CMPK1: variants seen among roughly 807,000 people sequenced by gnomAD.
CMPK1 encodes UMP-CMP kinase.
Under a neutral mutation model 25.7 loss-of-function variants are expected in CMPK1, and 10 were observed. The ratio of observed to expected loss-of-function variants is 0.39; its 90% confidence interval spans 0.24 to 0.66. CMPK1 has a LOEUF of 0.66. Among genes scored for constraint, CMPK1 ranks in the 30% least tolerant of loss-of-function variants. The probability of loss-of-function intolerance (pLI) is 0.48; values close to 1 mark genes in which losing one functional copy is unlikely to be tolerated. For synonymous variants in CMPK1, 106 were observed against 101.5 expected (o/e 1.04, Z -0.27); for missense variants, 199 against 280.5 (o/e 0.71, Z 2.08).
intron 1 of CMPK1, among the ~76,000 whole-genome samples, chr1:47,365,423 C>T (rs1490264349): frequency 2.0e-5 from 3 of 151,690 alleles, no homozygotes; most frequent in African/African-American, 7.3e-5. Flanking sequence ...TGCTTGAGCC[C>T]AGGAGTTTGA....
chr1:47,365,546 A>G (rs757423865), intron 1 of CMPK1, among the ~76,000 whole-genome samples: 28 of 148,606 alleles, frequency 1.9e-4, no homozygotes, highest in Non-Finnish European at 4.0e-4. Flanking sequence ...AGGTGGGAGA[A>G]TTGCTTAAGC....
chr1:47,370,869 T>C (rs1040829559), intron 2 of CMPK1, among the ~76,000 whole-genome samples: 6 of 151,516 alleles, frequency 4.0e-5, no homozygotes, highest in Non-Finnish European at 8.8e-5. Context: ...GAGAATTGCT[T>C]GAACCAAGGA....
chr1:47,369,082 C>T (rs540028585), intron 2 of CMPK1, among the ~76,000 whole-genome samples: 22 of 152,334 alleles, frequency 1.4e-4, no homozygotes, highest in Non-Finnish European at 2.2e-4. Flanking sequence ...CAGCTTGCTG[C>T]AGCCTCAACC....
intron 1 of CMPK1, among the ~76,000 whole-genome samples, chr1:47,360,004 T>C (rs1646590730): frequency 6.6e-6 from 1 of 152,220 alleles, no homozygotes; most frequent in Admixed American, 6.5e-5. Context: ...ATGAGAGACT[T>C]CTTAAGATAT....
rs1203158052 is a variant in CMPK1, at chr1:47,333,949, C to T, written c.4C>T (p.Leu2=). M[L]SRCRSGLLHV... is the part of the protein sequence containing the mutation. ...GCGTCCGGCCGAGGCGCGGTGTATG[C>T]TGAGCCGCTGCCGCAGCGGGCTGCT... is the stretch of plus-strand genomic sequence containing the variant. Residue 2 remains leucine (L), a synonymous_variant, in exon 1 of 6, where the codon CTG becomes TTG. Coordinates refer to ENST00000371873, the MANE Select transcript of CMPK1 (RefSeq NM_016308.3). The T allele has an allele frequency of 2.7e-6, 4 of 1,473,214 alleles. No homozygotes were observed. The highest frequency in any genetic ancestry group is 1.3e-5 in the South Asian group (1 of 76,390). The allele number at this position is 1,473,214 out of a possible 1,614,324, so 91.3% of individuals were successfully genotyped here.
chr1:47,347,905 A>G (rs993548217), intron 1 of CMPK1, among the ~76,000 whole-genome samples: 3 of 152,212 alleles, frequency 2.0e-5, no homozygotes, highest in African/African-American at 4.8e-5. Context: ...TGCTGGGATT[A>G]CAGGTGTGAG....
chr1:47,349,996 GA>G (rs1250360146), intron 1 of CMPK1, among the ~76,000 whole-genome samples: 2 of 152,126 alleles, frequency 1.3e-5, no homozygotes, highest in African/African-American at 4.8e-5. Context: ...AGTATAGATG[GA>G]GTTTCGCCAT....
At chr1:47,370,642 T>TAAA (rs35175280) in intron 2 of CMPK1, among the ~76,000 whole-genome samples, 1 of 133,850 alleles carries the variant, frequency 7.5e-6, no homozygotes, top group South Asian at 2.4e-4. Flanking sequence ...CTCTGTTTCT[T>TAAA]AAAAAAAAAA....
At position 47,334,688 on chromosome 1, in the gene CMPK1, C is replaced by G. The variant is rs147421999; in HGVS notation, c.171+572C>G. ...GGCTGCCGCTGGCACTCTCGAGCCC[C>G]GTCCCCGCAAGCTTTAGGGCGGAGC... On this transcript the variant is annotated intron_variant, in intron 1 of 5. Transcript: ENST00000371873. 8.0e-3 allele frequency among the ~76,000 whole-genome samples: 1,211 copies of G among 152,268 alleles called. 13 individuals are homozygous for G. The highest frequency in any genetic ancestry group is 0.027 in the African/African-American group (1,137 of 41,560).
chr1:47,364,411 G>C (rs926696482), intron 1 of CMPK1, among the ~76,000 whole-genome samples: 4 of 150,930 alleles, frequency 2.7e-5, no homozygotes, highest in Non-Finnish European at 5.9e-5. Context: ...TCCGCCTCCC[G>C]GGTTCACGCC....
At chr1:47,339,409 A>C (rs1297931840) in intron 1 of CMPK1, among the ~76,000 whole-genome samples, 1 of 152,092 alleles carries the variant, frequency 6.6e-6, no homozygotes, top group Non-Finnish European at 1.5e-5. Context: ...ACTTAGAAAA[A>C]GTTTTGGATG....
chr1:47,357,131 T>A (rs919703112), intron 1 of CMPK1, among the ~76,000 whole-genome samples: 3 of 151,758 alleles, frequency 2.0e-5, no homozygotes, highest in African/African-American at 7.3e-5. Context: ...ACCTGGCTAA[T>A]TTTTTGTATT....
chr1:47,365,951 T>C (rs933514792), intron 1 of CMPK1, among the ~76,000 whole-genome samples: 1 of 152,152 alleles, frequency 6.6e-6, no homozygotes, highest in African/African-American at 2.4e-5. Flanking sequence ...CCCAGCACTT[T>C]GGGAGGCCGA....
intron 1 of CMPK1, 60 bp downstream of exon 1, chr1:47,334,176 C>T: frequency 3.0e-6 from 4 of 1,315,462 alleles, no homozygotes; most frequent in Non-Finnish European, 3.9e-6. Context: ...CCGGCCTGTC[C>T]CGCCGCCCCT....
At chr1:47,340,573 T>G (rs1646434246) in intron 1 of CMPK1, among the ~76,000 whole-genome samples, 1 of 152,162 alleles carries the variant, frequency 6.6e-6, no homozygotes. Flanking sequence ...CAGAAGAAAC[T>G]AGATAGGAAA....
chr1:47,356,324 T>G (rs1173546881), intron 1 of CMPK1, among the ~76,000 whole-genome samples: 1 of 152,108 alleles, frequency 6.6e-6, no homozygotes, highest in East Asian at 1.9e-4. Context: ...TTATTTATAC[T>G]TGGGTCTATT....
At chr1:47,344,465 AG>A (rs1646467998) in intron 1 of CMPK1, among the ~76,000 whole-genome samples, 2 of 152,166 alleles carry the variant, frequency 1.3e-5, no homozygotes, top group African/African-American at 4.8e-5. Context: ...AGAACTTTGC[AG>A]GTATTAAAGT....
At chr1:47,340,497 G>A (rs1417677509) in intron 1 of CMPK1, among the ~76,000 whole-genome samples, 1 of 152,172 alleles carries the variant, frequency 6.6e-6, no homozygotes, top group East Asian at 1.9e-4. Context: ...TCAATGATAT[G>A]GTTGTGAAAA....
At chr1:47,334,351 G>T (rs1374410579) in intron 1 of CMPK1, among the ~76,000 whole-genome samples, 1 of 152,104 alleles carries the variant, frequency 6.6e-6, no homozygotes, top group East Asian at 1.9e-4. Flanking sequence ...TTGTTCCTGC[G>T]CCCCTTCTTT....
Sources: allele counts gnomAD v4.1 joint callset (sites outside exome capture counted in the v4.1 genomes callset), GRCh38; gene constraint gnomAD v4.1.1; transcripts MANE v1.5; gene names NCBI Gene and HGNC (gene_info 2026-07-23, HGNC 2026-07-21).